The following ARHGAP39 variants were observed in gnomAD, a reference collection of about 807,000 sequenced individuals.
The protein encoded by ARHGAP39 is rho GTPase-activating protein 39.
Under a neutral mutation model 106.9 loss-of-function variants are expected in ARHGAP39, and 44 were observed. That is an observed-to-expected ratio of 0.41 (90% CI 0.32 to 0.53). The LOEUF (loss-of-function observed/expected upper bound fraction) is 0.53, where lower values mean the gene tolerates loss of function less well. Ranked by LOEUF, ARHGAP39 falls within the 20% of genes least tolerant of loss-of-function variation. ARHGAP39 has a pLI of 0.21. For synonymous variants in ARHGAP39, 768 were observed against 693.2 expected, an observed-to-expected ratio of 1.11 and a Z score of -1.69; for missense variants, 1,496 against 1,577.3, an observed-to-expected ratio of 0.95 and a Z score of 0.87.
At chr8:144,537,850 A>C (rs1817026337) in intron 6 of ARHGAP39, 37 bp from the exon 7 acceptor site, 1 of 1,593,158 alleles carries the variant, frequency 6.3e-7, no homozygotes. Context: ...CGACAGAACA[A>C]AACGCCAGGA....
intron 1 of ARHGAP39, chr8:144,605,934 C>T (rs1181897262): frequency 4.1e-5 from 16 of 386,882 alleles, no homozygotes; most frequent in Non-Finnish European, 7.3e-5. Flanking sequence ...AGCCAGGATC[C>T]CCCCCATGCC....
chr8:144,614,699 G>A (rs140688698), intron 1 of ARHGAP39, among the ~76,000 whole-genome samples: 333 of 152,342 alleles, frequency 2.2e-3, no homozygotes, highest in African/African-American at 7.6e-3. Context: ...CTTGGAAACT[G>A]AAAATGTTGA....
upstream of ARHGAP39, among the ~76,000 whole-genome samples, chr8:144,689,782 G>A (rs912303813): frequency 8.3e-6 from 1 of 119,926 alleles, no homozygotes; most frequent in African/African-American, 3.3e-5. Context: ...TTTTGCTCTT[G>A]TCACCCAGGC....
chr8:144,564,719 G>A (rs539409053), intron 3 of ARHGAP39, among the ~76,000 whole-genome samples: 1 of 151,822 alleles, frequency 6.6e-6, no homozygotes, highest in African/African-American at 2.4e-5. Context: ...GGAGACTCAC[G>A]CCTATAATCC....
At chr8:144,615,845 AGCAGGACAG>A (rs2130960853) in intron 1 of ARHGAP39, among the ~76,000 whole-genome samples, 1 of 152,320 alleles carries the variant, frequency 6.6e-6, no homozygotes, top group East Asian at 1.9e-4. Context: ...GACCCCAGTG[AGCAGGACAG>A]GCACGTCCGG....
chr8:144,583,440 C>T (rs908584600), intron 2 of ARHGAP39, among the ~76,000 whole-genome samples: 2 of 152,180 alleles, frequency 1.3e-5, no homozygotes, highest in East Asian at 1.9e-4. Flanking sequence ...GAGGCACAGA[C>T]GGGGTCTGCC....
intron 1 of ARHGAP39, among the ~76,000 whole-genome samples, chr8:144,610,968 C>T (rs1010832235): frequency 6.6e-6 from 1 of 151,984 alleles, no homozygotes; most frequent in Non-Finnish European, 1.5e-5. Context: ...AGGCATATGC[C>T]ACCACACCTG....
At chr8:144,581,416 C>T in intron 2 of ARHGAP39, 139 bp from the exon 3 acceptor site, 4 of 995,566 alleles carry the variant, frequency 4.0e-6, no homozygotes, top group South Asian at 1.7e-5. Context: ...AAGCCCAGTC[C>T]GCCCCTGACT....
At chr8:144,546,097 G>A (rs1817409330) in intron 5 of ARHGAP39, among the ~76,000 whole-genome samples, 1 of 152,180 alleles carries the variant, frequency 6.6e-6, no homozygotes, top group Admixed American at 6.5e-5. Flanking sequence ...GGGAGGAAGG[G>A]GAGCATCCGC....
chr8:144,609,519 A>G (rs904945928), intron 1 of ARHGAP39, among the ~76,000 whole-genome samples: 12 of 148,290 alleles, frequency 8.1e-5, no homozygotes, highest in South Asian at 4.2e-4. Flanking sequence ...CTCCTGCCTC[A>G]GCCTCCCAAG....
rs114887871 is a variant in ARHGAP39, at chr8:144,641,552, C to T, written c.-81-35857G>A. Among the ~76,000 whole-genome samples the T allele has an allele frequency of 0.025, 3,767 of 152,324 alleles. 149 individuals carry two copies. The highest frequency in any genetic ancestry group is 0.086 in the African/African-American group (3,581 of 41,576). ...GTCTCCTGGCATCCCCTCAGCTCTC[C>T]TGCGTTCTGCCCATCACTCACCCCA... On this transcript the variant is annotated intron_variant, in intron 1 of 11. Coordinates refer to ENST00000377307, the MANE Select transcript of ARHGAP39 (RefSeq NM_025251.3). The surrounding 1 kb of genome is among the most constrained non-coding windows in gnomAD (Gnocchi z 5.2).
At chr8:144,571,853 G>T (rs1478628532) in intron 3 of ARHGAP39, among the ~76,000 whole-genome samples, 1 of 151,642 alleles carries the variant, frequency 6.6e-6, no homozygotes, top group Non-Finnish European at 1.5e-5. Flanking sequence ...ATAACAGACA[G>T]CCAAATCATG....
the ARHGAP39 span, among the ~76,000 whole-genome samples, chr8:144,692,022 G>A: frequency 1.3e-5 from 2 of 152,056 alleles, no homozygotes; most frequent in African/African-American, 4.8e-5. Context: ...AGCTACACAG[G>A]CTCCTAAAAC....
At chr8:144,610,678 C>T (rs953874420) in intron 1 of ARHGAP39, among the ~76,000 whole-genome samples, 1 of 151,804 alleles carries the variant, frequency 6.6e-6, no homozygotes. Flanking sequence ...TGCCACTGCA[C>T]TCCAGCCTGG....
intron 1 of ARHGAP39, among the ~76,000 whole-genome samples, chr8:144,606,048 CAGG>C (rs1329108896): frequency 6.6e-6 from 1 of 152,214 alleles, no homozygotes; most frequent in Non-Finnish European, 1.5e-5. Flanking sequence ...GGAGGGCGAA[CAGG>C]AGGACACAGG....
chr8:144,571,793 C>T (rs545045039), intron 3 of ARHGAP39, among the ~76,000 whole-genome samples: 2 of 152,342 alleles, frequency 1.3e-5, no homozygotes, highest in South Asian at 4.1e-4. Flanking sequence ...TCAGCAAAGT[C>T]TCAGAATACA....
Position 144,637,553 on chromosome 8 carries a change from T to C in ARHGAP39, c.-81-31858A>G, listed in dbSNP as rs966847635. ...TCAACCCGGGAGGCAGAGGTTGCAG[T>C]GAGCCAAGGTCACGCCACTGCACTT... On this transcript the variant is annotated intron_variant, in intron 1 of 11. Transcript: ENST00000377307. 2.6e-5 allele frequency among the ~76,000 whole-genome samples: 4 copies of C among 152,320 alleles called. No homozygotes were observed. The South Asian group carries it at 8.3e-4, about 32-fold the overall frequency.
intron 1 of ARHGAP39, among the ~76,000 whole-genome samples, chr8:144,630,964 C>G (rs1210322789): frequency 3.9e-5 from 6 of 152,248 alleles, no homozygotes; most frequent in Non-Finnish European, 7.3e-5. Context: ...GCAGGCTGTA[C>G]AGGTAGCATG....
intron 1 of ARHGAP39, among the ~76,000 whole-genome samples, chr8:144,653,597 G>T (rs114786651): frequency 6.6e-6 from 1 of 152,098 alleles, no homozygotes; most frequent in Non-Finnish European, 1.5e-5. Flanking sequence ...TCACCCTCTC[G>T]GTCTCATCAA....
Sources: allele counts gnomAD v4.1 joint callset (sites outside exome capture counted in the v4.1 genomes callset), GRCh38; gene constraint gnomAD v4.1.1; non-coding constraint Gnocchi (gnomAD v3.1); transcripts MANE v1.5; gene names NCBI Gene and HGNC (gene_info 2026-07-23, HGNC 2026-07-21).